The following LRP5 variants were observed in gnomAD, a reference collection of about 807,000 sequenced individuals.
LRP5 encodes the protein low-density lipoprotein receptor-related protein 5.
LRP5 carries 62 observed loss-of-function variants against 154.1 expected under a neutral mutation model. The observed-to-expected ratio is 0.40, with a 90% CI of 0.33 to 0.50. The LOEUF (loss-of-function observed/expected upper bound fraction) is 0.50, where lower values mean the gene tolerates loss of function less well. Ranked by LOEUF, LRP5 falls within the 20% of genes least tolerant of loss-of-function variation. The pLI, the probability that LRP5 is intolerant of heterozygous loss-of-function variation, is 0.55. For synonymous variants in LRP5, 966 were observed against 1,011.5 expected (o/e 0.96, Z 0.85); for missense variants, 1,915 against 2,336.7 (o/e 0.82, Z 3.72).
At chr11:68,404,327 G>A in intron 8 of LRP5, 1 of 530,328 alleles carries the variant, frequency 1.9e-6, no homozygotes, top group African/African-American at 1.9e-5. Context: ...CACTGCACCT[G>A]CTTGTCAGAG....
In LRP5 at chr11:68,413,458, C is replaced by G. The variant is rs914261079; in HGVS notation, c.2504-231C>G. On this transcript the variant is annotated intron_variant, in intron 11 of 22. Transcript: ENST00000294304. The surrounding 1 kb of genome is among the most constrained non-coding windows in gnomAD (Gnocchi z 5.1). Reference sequence around the variant, plus strand: ...GGAGTCTCGCTGCCTGGGTGGTAATCCTGGCCCTGCCACTTAGCAACTGTG... The same window carrying G: ...GGAGTCTCGCTGCCTGGGTGGTAATGCTGGCCCTGCCACTTAGCAACTGTG... Among the ~76,000 whole-genome samples the G allele has an allele frequency of 2.0e-5, 3 of 152,194 alleles. No homozygotes were observed. The highest frequency in any genetic ancestry group is 7.2e-5 in the African/African-American group (3 of 41,426).
At chr11:68,428,306 T>C (rs2098669997) in intron 16 of LRP5, among the ~76,000 whole-genome samples, 1 of 152,124 alleles carries the variant, frequency 6.6e-6, no homozygotes, top group East Asian at 1.9e-4. Context: ...CATTTGCTAT[T>C]TTAATTCCCA....
intron 22 of LRP5, among the ~76,000 whole-genome samples, chr11:68,448,329 C>T (rs2098682562): frequency 6.6e-6 from 1 of 152,180 alleles, no homozygotes; most frequent in Admixed American, 6.5e-5. Context: ...CTATCGGTTG[C>T]CAACATTTAC....
chr11:68,352,388 G>A (rs2153132800), intron 2 of LRP5, among the ~76,000 whole-genome samples: 1 of 152,332 alleles, frequency 6.6e-6, no homozygotes, highest in South Asian at 2.1e-4. Flanking sequence ...AGAACAGTTT[G>A]TGAGTTCAAC....
chr11:68,369,876 A>G (rs956416789), intron 5 of LRP5, among the ~76,000 whole-genome samples: 9 of 152,096 alleles, frequency 5.9e-5, no homozygotes, highest in Non-Finnish European at 1.0e-4. Flanking sequence ...CTGCTCATCC[A>G]GGGGTGACGG....
intron 7 of LRP5, among the ~76,000 whole-genome samples, chr11:68,394,861 G>A (rs1190272170): frequency 2.0e-5 from 3 of 152,202 alleles, no homozygotes; most frequent in Non-Finnish European, 4.4e-5. Flanking sequence ...CCATGGTGCT[G>A]GACACACAGA....
At chr11:68,304,871 T>G in the LRP5 span, among the ~76,000 whole-genome samples, 1 of 152,216 alleles carries the variant, frequency 6.6e-6, no homozygotes, top group African/African-American at 2.4e-5. Context: ...TATGCCCCCA[T>G]TGTATCTCAG....
chr11:68,435,483 G>GGAGAGAGAGAGA lies in LRP5; in HGVS notation c.4001-1402_4001-1391dup, dbSNP rs10634157. ...ATCACATGGTGAGAGAGGGAGCAACGGAGAGAGAGAGAGAGCGCCTCTCCC... is the reference window on the plus strand; with the variant it reads ...ATCACATGGTGAGAGAGGGAGCAACGGAGAGAGAGAGAGAGAGAGAGAGAGAGCGCCTCTCCC... On this transcript the variant is annotated intron_variant, in intron 18 of 22. Transcript: ENST00000294304. 3.2e-3 allele frequency among the ~76,000 whole-genome samples: 475 copies of GGAGAGAGAGAGA among 150,306 alleles called. 3 individuals are homozygous for GGAGAGAGAGAGA. Among genetic ancestry groups the GGAGAGAGAGAGA allele is most frequent in the Middle Eastern group, 0.01 (3 of 292 alleles).
At chr11:68,344,831 A>G (rs1052733878) in intron 1 of LRP5, among the ~76,000 whole-genome samples, 5 of 132,700 alleles carry the variant, frequency 3.8e-5, no homozygotes, top group African/African-American at 1.4e-4. Flanking sequence ...ATGTTGTAGC[A>G]TGTGTCAGAA....
chr11:68,344,847 CTCT>C (rs1187412166), intron 1 of LRP5, among the ~76,000 whole-genome samples: 1 of 118,004 alleles, frequency 8.5e-6, no homozygotes, highest in African/African-American at 3.3e-5. Flanking sequence ...CAGAATCTCT[CTCT>C]TTTTTTTTTT....
chr11:68,305,264 T>G, the LRP5 span, among the ~76,000 whole-genome samples: 9 of 151,850 alleles, frequency 5.9e-5, no homozygotes, highest in Non-Finnish European at 1.2e-4. Flanking sequence ...TCTCTCTCTC[T>G]CTCGCTCCTG....
intron 13 of LRP5, among the ~76,000 whole-genome samples, chr11:68,418,156 T>C (rs1187624076): frequency 2.6e-5 from 4 of 151,498 alleles, no homozygotes; most frequent in African/African-American, 4.8e-5. Context: ...GCTTGTATCC[T>C]AGCACTTTGG....
chr11:68,431,052 G>T (rs887436201), intron 17 of LRP5, among the ~76,000 whole-genome samples: 3 of 151,944 alleles, frequency 2.0e-5, no homozygotes, highest in Non-Finnish European at 4.4e-5. Flanking sequence ...GTAATAAAGT[G>T]ACCATCTGTA....
At chr11:68,303,859 G>A in the LRP5 span, among the ~76,000 whole-genome samples, 3 of 152,170 alleles carry the variant, frequency 2.0e-5, no homozygotes, top group Non-Finnish European at 4.4e-5. Context: ...ATGCTCAAAT[G>A]CAGGAGCAAA....
intron 14 of LRP5, 45 bp from the exon 15 acceptor site, chr11:68,425,057 A>T: frequency 6.3e-7 from 1 of 1,581,302 alleles, no homozygotes; most frequent in Non-Finnish European, 8.7e-7. Flanking sequence ...CTGTCCGAGG[A>T]GACGCCATCC....
chr11:68,357,290 G>T (rs537338635), intron 2 of LRP5, among the ~76,000 whole-genome samples: 67 of 144,812 alleles, frequency 4.6e-4, no homozygotes, highest in Middle Eastern at 3.5e-3. Flanking sequence ...GTTTTGAATT[G>T]CCTTTTAGAG....
At chr11:68,408,844 T>C (rs1194007805) in intron 9 of LRP5, among the ~76,000 whole-genome samples, 1 of 151,742 alleles carries the variant, frequency 6.6e-6, no homozygotes, top group Non-Finnish European at 1.5e-5. Context: ...GCCCAGAAGT[T>C]TGAGACCGGC....
the LRP5 span, among the ~76,000 whole-genome samples, chr11:68,301,850 G>A: frequency 3.3e-5 from 5 of 151,758 alleles, no homozygotes; most frequent in East Asian, 2.0e-4. Context: ...GGATGGTCTC[G>A]ATCTCCTGAC....
intron 22 of LRP5, 41 bp downstream of exon 22, chr11:68,446,574 C>A: frequency 6.5e-7 from 1 of 1,537,870 alleles, no homozygotes; most frequent in Non-Finnish European, 9.0e-7. Context: ...ATTGGGTTCC[C>A]GCCAGCCCGT....
Sources: gnomAD v4.1 joint callset for allele counts (sites outside exome capture counted in the v4.1 genomes callset) on GRCh38, gnomAD v4.1.1 for gene constraint, Gnocchi (gnomAD v3.1) non-coding constraint, MANE v1.5 for transcripts, NCBI Gene and HGNC (gene_info 2026-07-23, HGNC 2026-07-21) for gene names.